Variants in RTN1 observed in about 807,000 individuals in gnomAD.
The protein encoded by RTN1 is reticulon-1.
In RTN1, 25 loss-of-function variants were observed where a neutral mutation model predicts 65.5. The ratio of observed to expected loss-of-function variants is 0.38; its 90% CI spans 0.28 to 0.53. RTN1 has a LOEUF of 0.53. RTN1 is among the 20% of genes least tolerant of loss of function. RTN1 has a pLI of 0.79. For synonymous variants in RTN1, 471 were observed against 447.6 expected, an observed-to-expected ratio of 1.05 and a Z score of -0.66; for missense variants, 983 against 1,025.4, an observed-to-expected ratio of 0.96 and a Z score of 0.57.
chr14:59,634,362 A>G lies in RTN1; in HGVS notation c.1766-26870T>C, dbSNP rs575364084. 1.7e-4 allele frequency among the ~76,000 whole-genome samples: 26 copies of G among 152,320 alleles called. No individual in the cohort carries two copies. The East Asian group carries it at 5.0e-3, about 29-fold the overall frequency. ...AGAACCAAAAATATACTTCATTATG[A>G]TCAAAGAACACTGAGAACTCTATGC... On this transcript the variant is annotated intron_variant, in intron 3 of 8. Transcript: ENST00000267484.
intron 3 of RTN1, among the ~76,000 whole-genome samples, chr14:59,668,177 G>A (rs1883422117): frequency 6.6e-6 from 1 of 152,152 alleles, no homozygotes; most frequent in Non-Finnish European, 1.5e-5. Flanking sequence ...CAAAGCTGGA[G>A]GCATCATGCT....
intron 1 of RTN1, among the ~76,000 whole-genome samples, chr14:59,753,469 T>C (rs1183558378): frequency 6.6e-6 from 1 of 152,182 alleles, no homozygotes; most frequent in Non-Finnish European, 1.5e-5. Flanking sequence ...CAAAGAATAA[T>C]TCAAATACTT....
intron 3 of RTN1, among the ~76,000 whole-genome samples, chr14:59,714,596 C>G (rs1377008833): frequency 1.3e-5 from 2 of 152,160 alleles, no homozygotes; most frequent in Admixed American, 1.3e-4. Flanking sequence ...CATATCATCT[C>G]CACTCACATT....
intron 3 of RTN1, among the ~76,000 whole-genome samples, chr14:59,666,652 G>C (rs771035013): frequency 1.2e-4 from 18 of 152,016 alleles, no homozygotes; most frequent in Non-Finnish European, 2.5e-4. Context: ...ATGAATCCAG[G>C]AGATGGTTTT....
rs188091911 is a variant in RTN1 at position 59,840,602 on chromosome 14, C to A, written c.241+29788G>T. On this transcript the variant is annotated intron_variant, in intron 1 of 8. Coordinates refer to ENST00000267484, the MANE Select transcript of RTN1 (RefSeq NM_021136.3). ...TCAAGAAATGTTTGCTACCCTATAT[C>A]TTATATCACTTCAGACTTTCACTTG... Among the ~76,000 whole-genome samples the A allele has an allele frequency of 6.7e-4, 102 of 152,316 alleles. 3 individuals are homozygous for A. Among genetic ancestry groups the A allele is most frequent in the Non-Finnish European group, 2.1e-4 (14 of 68,034 alleles).
At chr14:59,807,263 C>A (rs1219331334) in intron 1 of RTN1, among the ~76,000 whole-genome samples, 1 of 152,032 alleles carries the variant, frequency 6.6e-6, no homozygotes, top group Admixed American at 6.6e-5. Context: ...CTACTATAGC[C>A]AAAGGAAAGT....
intron 1 of RTN1, among the ~76,000 whole-genome samples, chr14:59,811,612 A>G (rs1483289311): frequency 6.6e-6 from 1 of 152,202 alleles, no homozygotes; most frequent in Non-Finnish European, 1.5e-5. Context: ...TTAAAGTTCT[A>G]TATGCCTTGA....
chr14:59,738,237 T>C (rs1008310928), intron 2 of RTN1, among the ~76,000 whole-genome samples: 4 of 151,936 alleles, frequency 2.6e-5, no homozygotes, highest in South Asian at 4.1e-4. Context: ...TGGGAGAAAA[T>C]ATTTGCAATC....
intron 1 of RTN1, among the ~76,000 whole-genome samples, chr14:59,867,791 G>C (rs1298657344): frequency 6.6e-6 from 1 of 152,088 alleles, no homozygotes; most frequent in Admixed American, 6.5e-5. Flanking sequence ...CAAAGTCTAA[G>C]TTACTTCTTA....
At chr14:59,851,289 A>C (rs1022741375) in intron 1 of RTN1, among the ~76,000 whole-genome samples, 8 of 152,206 alleles carry the variant, frequency 5.3e-5, no homozygotes, top group Admixed American at 3.3e-4. Context: ...GTTGACCTTG[A>C]TGTCTTCTGT....
chr14:59,776,155 C>A (rs1214366815), intron 1 of RTN1, among the ~76,000 whole-genome samples: 1 of 152,078 alleles, frequency 6.6e-6, no homozygotes, highest in Non-Finnish European at 1.5e-5. Flanking sequence ...TTCTCTCCTT[C>A]TTCCTGACAA....
intron 3 of RTN1, among the ~76,000 whole-genome samples, chr14:59,683,959 T>C (rs1354021030): frequency 2.0e-5 from 3 of 152,060 alleles, no homozygotes; most frequent in Admixed American, 6.5e-5. Context: ...GTTAGTGCCT[T>C]AAAAGTAGTA....
At chr14:59,785,145 C>A (rs980416178) in intron 1 of RTN1, among the ~76,000 whole-genome samples, 1 of 152,142 alleles carries the variant, frequency 6.6e-6, no homozygotes, top group Non-Finnish European at 1.5e-5. Context: ...CTGTAAATAT[C>A]CTGGCTTGTG....
intron 3 of RTN1, among the ~76,000 whole-genome samples, chr14:59,658,049 G>T (rs1056812214): frequency 6.6e-6 from 1 of 152,230 alleles, no homozygotes; most frequent in Admixed American, 6.5e-5. Flanking sequence ...GACGCTTCAG[G>T]TTGGTGGGGG....
At chr14:59,734,075 C>A (rs995824789) in intron 2 of RTN1, among the ~76,000 whole-genome samples, 2 of 152,194 alleles carry the variant, frequency 1.3e-5, no homozygotes, top group Non-Finnish European at 2.9e-5. Context: ...ACTGCTGATG[C>A]CTCCAGGTAT....
At chr14:59,853,903 C>T (rs1442952553) in intron 1 of RTN1, among the ~76,000 whole-genome samples, 6 of 139,398 alleles carry the variant, frequency 4.3e-5, no homozygotes, top group African/African-American at 1.1e-4. Context: ...CTTGCTCTGT[C>T]GCCCAGGCTG....
chr14:59,741,063 G>A (rs914221057), intron 2 of RTN1, among the ~76,000 whole-genome samples: 7 of 152,182 alleles, frequency 4.6e-5, no homozygotes, highest in African/African-American at 1.4e-4. Context: ...TGTGAATGAC[G>A]CTGCTATTAG....
rs1007894204 is a variant in RTN1 at position 59,868,822 on chromosome 14, T to A, written c.241+1568A>T. 4.6e-5 allele frequency among the ~76,000 whole-genome samples: 7 copies of A among 152,230 alleles called. No homozygotes were observed. The highest frequency in any genetic ancestry group is 1.7e-4 in the African/African-American group (7 of 41,448). On this transcript the variant is annotated intron_variant, in intron 1 of 8. Coordinates refer to ENST00000267484, the MANE Select transcript of RTN1 (RefSeq NM_021136.3). This position sits in a 1 kb window ranked among gnomAD's most constrained non-coding sequence, Gnocchi z 4.0. ...TACAGTGGATAAAGATTCTGAACTA[T>A]GAGCAGTCTATCCTCAACAAAGAAT... is the stretch of plus-strand genomic sequence containing the variant.
At chr14:59,670,425 A>G (rs1883477893) in intron 3 of RTN1, among the ~76,000 whole-genome samples, 1 of 152,238 alleles carries the variant, frequency 6.6e-6, no homozygotes, top group South Asian at 2.1e-4. Flanking sequence ...ACCTGAATCC[A>G]CAAAATCAGA....
Sources: gnomAD v4.1 joint callset for allele counts (sites outside exome capture counted in the v4.1 genomes callset) on GRCh38, gnomAD v4.1.1 for gene constraint, Gnocchi (gnomAD v3.1) non-coding constraint, MANE v1.5 for transcripts, NCBI Gene and HGNC (gene_info 2026-07-23, HGNC 2026-07-21) for gene names.